The following SGK2 variants were observed in gnomAD, a reference collection of about 807,000 sequenced individuals.
SGK2 encodes the protein serum/glucocorticoid regulated kinase 2.
In SGK2, 36 loss-of-function variants were observed where a neutral mutation model predicts 47.5. That is an observed-to-expected ratio of 0.76 (90% CI 0.58 to 1.00). The LOEUF is 1.00. Among genes scored for constraint, SGK2 ranks in the 50% least tolerant of loss-of-function variants. The pLI is 0.00. For missense variants in SGK2, 404 were observed against 467.4 expected (o/e 0.86, Z 1.25); for synonymous variants, 157 against 181.9 (o/e 0.86, Z 1.10).
rs533553238 is a variant in SGK2, at chr20:43,581,032, T to C, written c.939+971T>C. 1.5e-3 allele frequency among the ~76,000 whole-genome samples: 226 copies of C among 151,986 alleles called. 2 individuals carry two copies. The highest frequency in any genetic ancestry group is 5.3e-3 in the African/African-American group (221 of 41,496). ...CTGGGACTACAGGCGCCCACCACCATGCCCGGCTAATTTTTTGTATTTTTA... is the reference window on the plus strand; with the variant it reads ...CTGGGACTACAGGCGCCCACCACCACGCCCGGCTAATTTTTTGTATTTTTA... On this transcript the variant is annotated intron_variant, in intron 12 of 12. Coordinates refer to ENST00000373100, the MANE Select transcript of SGK2 (RefSeq NM_170693.3).
chr20:43,577,348 T>C (rs1184246937), intron 11 of SGK2, among the ~76,000 whole-genome samples: 1 of 117,640 alleles, frequency 8.5e-6, no homozygotes, highest in Non-Finnish European at 1.7e-5. Flanking sequence ...CTGCATCTGC[T>C]TTTTTTTTTT....
intron 12 of SGK2, among the ~76,000 whole-genome samples, chr20:43,581,583 C>T (rs1355164631): frequency 2.6e-5 from 4 of 152,208 alleles, no homozygotes; most frequent in East Asian, 1.9e-4. Context: ...GACAGAGTCT[C>T]GTTCGATCGC....
rs1001634354 is a variant in SGK2, at chr20:43,585,545, C to A, written c.*529C>A. On this transcript the variant is annotated 3_prime_UTR_variant, in exon 13 of 13. Coordinates refer to ENST00000373100, the MANE Select transcript of SGK2 (RefSeq NM_170693.3). ...CAGCACTCTTTTACCAGAGGGCCTCCTGGTGTTTGGATTTTGATCTCAATG... is the reference window on the plus strand; with the variant it reads ...CAGCACTCTTTTACCAGAGGGCCTCATGGTGTTTGGATTTTGATCTCAATG... 1 of 153,210 alleles carries A rather than the reference C, an allele frequency of 6.5e-6. No homozygotes were observed. The highest frequency in any genetic ancestry group is 1.5e-5 in the Non-Finnish European group (1 of 68,734). 9.5% of individuals were successfully genotyped at this position (153,210 alleles called of 1,614,324 possible).
At chr20:43,562,114 T>C (rs1979422091) in intron 1 of SGK2, among the ~76,000 whole-genome samples, 1 of 151,896 alleles carries the variant, frequency 6.6e-6, no homozygotes, top group East Asian at 1.9e-4. Context: ...GTTTTGGACA[T>C]GTTAACTTCG....
chr20:43,576,151 T>C, intron 10 of SGK2, 73 bp from the exon 11 acceptor site: 1 of 1,570,038 alleles, frequency 6.4e-7, no homozygotes, highest in South Asian at 1.2e-5. Flanking sequence ...GCCGCCCACC[T>C]TGCTCCAAGT....
intron 6 of SGK2, chr20:43,569,764 CTCAT>C (rs1340935825): frequency 4.2e-6 from 2 of 470,960 alleles, no homozygotes; most frequent in East Asian, 3.9e-5. Flanking sequence ...TCTTGCCTTC[CTCAT>C]TCAGAGTTGC....
rs1979824985 is a variant in SGK2 at position 43,567,718 on chromosome 20, G to A, written c.140G>A (p.Gly47Glu). 6.2e-7 allele frequency: 1 copy of A among 1,614,146 alleles called. No homozygotes were observed. Among genetic ancestry groups the A allele is most frequent in the Non-Finnish European group, 8.5e-7 (1 of 1,180,028 alleles). ...FLKVIGKGNY[G>E]KVLLAKRKSD... ...AAAGTCATCGGCAAAGGGAACTACG[G>A]GAAGGTGAGTGACTTGGTGAGGGTG... Residue 47 changes from glycine (G) to glutamate (E), a missense_variant, in exon 4 of 13, where the codon GGG (glycine) becomes GAG (glutamate). Coordinates refer to ENST00000373100, the MANE Select transcript of SGK2 (RefSeq NM_170693.3).
At chr20:43,584,618 A>G (rs947050693) in intron 12 of SGK2, among the ~76,000 whole-genome samples, 1 of 152,174 alleles carries the variant, frequency 6.6e-6, no homozygotes, top group East Asian at 1.9e-4. Flanking sequence ...GTAGGCATTC[A>G]GTAAGTGTTA....
intron 3 of SGK2, among the ~76,000 whole-genome samples, 163 bp from the exon 4 acceptor site, chr20:43,567,502 C>A (rs151192832): frequency 6.6e-6 from 1 of 152,124 alleles, no homozygotes; most frequent in African/African-American, 2.4e-5. Flanking sequence ...AGCCCTCTTT[C>A]GGCTGGGAGA....
At chr20:43,574,078 C>A (rs755800298) in intron 9 of SGK2, among the ~76,000 whole-genome samples, 1 of 152,144 alleles carries the variant, frequency 6.6e-6, no homozygotes, top group Non-Finnish European at 1.5e-5. Context: ...GATGAAAAAA[C>A]CAGGGTCTGA....
chr20:43,561,673 C>T (rs955958826), intron 1 of SGK2, among the ~76,000 whole-genome samples: 1 of 151,970 alleles, frequency 6.6e-6, no homozygotes, highest in Non-Finnish European at 1.5e-5. Context: ...AGGTGTGAGC[C>T]ACCGCGCCCA....
intron 3 of SGK2, 121 bp from the exon 4 acceptor site, chr20:43,567,544 G>A (rs2145535888): frequency 1.1e-6 from 1 of 871,726 alleles, no homozygotes; most frequent in Non-Finnish European, 1.9e-6. Context: ...AGGAGGCATG[G>A]CTCCTGGAAG....
intron 1 of SGK2, among the ~76,000 whole-genome samples, chr20:43,561,634 G>A (rs1040689191): frequency 2.0e-5 from 3 of 151,972 alleles, no homozygotes; most frequent in Non-Finnish European, 2.9e-5. Context: ...TGATCCACCC[G>A]CCTCGGCCTC....
intron 1 of SGK2, among the ~76,000 whole-genome samples, chr20:43,561,936 A>C (rs1014462799): frequency 6.6e-6 from 1 of 152,104 alleles, no homozygotes; most frequent in Non-Finnish European, 1.5e-5. Flanking sequence ...TATATTTTGA[A>C]TGGAATTTCA....
intron 12 of SGK2, among the ~76,000 whole-genome samples, chr20:43,581,016 C>T (rs1436870633): frequency 2.0e-5 from 3 of 151,936 alleles, no homozygotes; most frequent in East Asian, 2.0e-4. Context: ...GCTGGGACTA[C>T]AGGCGCCCAC....
intron 1 of SGK2, among the ~76,000 whole-genome samples, chr20:43,562,887 C>A (rs1979474767): frequency 6.6e-6 from 1 of 152,030 alleles, no homozygotes; most frequent in Non-Finnish European, 1.5e-5. Context: ...AATCCCAACA[C>A]TTTGGGAGGC....
chr20:43,569,545 G>C (rs1409607340), intron 6 of SGK2, 29 bp downstream of exon 6: 2 of 1,609,144 alleles, frequency 1.2e-6, no homozygotes, highest in Admixed American at 3.3e-5. Flanking sequence ...AGGCTTCCCT[G>C]GGCTGGCTCT....
chr20:43,567,773 CT>C (rs1435827444), intron 4 of SGK2, 51 bp downstream of exon 4: 2 of 1,589,664 alleles, frequency 1.3e-6, no homozygotes, highest in Non-Finnish European at 1.7e-6. Context: ...TCTGCAGCCT[CT>C]TCCAGCCCCT....
At chr20:43,562,646 C>T (rs971156268) in intron 1 of SGK2, among the ~76,000 whole-genome samples, 1 of 151,820 alleles carries the variant, frequency 6.6e-6, no homozygotes, top group Non-Finnish European at 1.5e-5. Flanking sequence ...GAGGCTGAGG[C>T]AGGAGAATCG....
Sources: gnomAD v4.1 joint callset for allele counts (sites outside exome capture counted in the v4.1 genomes callset) on GRCh38, gnomAD v4.1.1 for gene constraint, MANE v1.5 for transcripts, NCBI Gene and HGNC (gene_info 2026-07-23, HGNC 2026-07-21) for gene names.